Variants in SUCLG2 observed in about 807,000 individuals in gnomAD.
The protein encoded by SUCLG2 is succinate--CoA ligase [GDP-forming] subunit beta, mitochondrial.
Under a neutral mutation model 47.9 loss-of-function variants are expected in SUCLG2, and 42 were observed. The ratio of observed to expected loss-of-function variants is 0.88; its 90% CI spans 0.69 to 1.14. The LOEUF (loss-of-function observed/expected upper bound fraction) is 1.14, where lower values mean the gene tolerates loss of function less well. SUCLG2 is among the 50% of genes most tolerant of loss of function. SUCLG2 has a pLI of 0.00. For synonymous variants in SUCLG2, 195 were observed against 197.3 expected, an observed-to-expected ratio of 0.99 and a Z score of 0.10; for missense variants, 571 against 525.9, an observed-to-expected ratio of 1.09 and a Z score of -0.84.
Position 67,475,975 on chromosome 3 carries a change from C to A in SUCLG2, c.1062+19823G>T, listed in dbSNP as rs1704741051. Among the ~76,000 whole-genome samples, 3 of 150,454 alleles carry A rather than the reference C, an allele frequency of 2.0e-5. 1 individual carries two copies. The South Asian group carries it at 6.3e-4, about 32-fold the overall frequency. On this transcript the variant is annotated intron_variant, in intron 9 of 10. Coordinates refer to ENST00000307227, the MANE Select transcript of SUCLG2 (RefSeq NM_003848.4). The stretch of plus-strand genomic sequence containing the variant: ...AAACCACAGAATTTGAGTATTCCTT[C>A]CCTTTCCTTCTCCCTCTCTCTCTCT...
chr3:67,474,439 A>T (rs1704691990), intron 9 of SUCLG2, among the ~76,000 whole-genome samples: 1 of 152,160 alleles, frequency 6.6e-6, no homozygotes, highest in East Asian at 1.9e-4. Flanking sequence ...TTCTGTGGCT[A>T]TACCAAGTAG....
At chr3:67,406,057 C>G (rs1466625892) in intron 9 of SUCLG2, among the ~76,000 whole-genome samples, 1 of 152,166 alleles carries the variant, frequency 6.6e-6, no homozygotes, top group Non-Finnish European at 1.5e-5. Flanking sequence ...ATTACCACAA[C>G]CAACTCTGCC....
At chr3:67,423,151 T>C (rs542768517) in intron 9 of SUCLG2, among the ~76,000 whole-genome samples, 1 of 152,218 alleles carries the variant, frequency 6.6e-6, no homozygotes, top group Non-Finnish European at 1.5e-5. Context: ...TGTAATTGGA[T>C]CATGGGGGCG....
chr3:67,440,778 T>G (rs1204754916), intron 9 of SUCLG2, among the ~76,000 whole-genome samples: 1 of 152,222 alleles, frequency 6.6e-6, no homozygotes, highest in African/African-American at 2.4e-5. Context: ...ACACTGTTGG[T>G]AGGAGTGTAA....
chr3:67,415,269 G>C (rs1214291778), intron 9 of SUCLG2, among the ~76,000 whole-genome samples: 1 of 152,132 alleles, frequency 6.6e-6, no homozygotes, highest in Non-Finnish European at 1.5e-5. Context: ...AACCAAGCAA[G>C]TTTGGAGAAG....
intron 10 of SUCLG2, among the ~76,000 whole-genome samples, chr3:67,381,969 G>A (rs1702167983): frequency 6.6e-6 from 1 of 152,122 alleles, no homozygotes; most frequent in South Asian, 2.1e-4. Flanking sequence ...GTGGGCACAT[G>A]GTACAGGATT....
chr3:67,484,333 C>A (rs1293171126), intron 9 of SUCLG2, among the ~76,000 whole-genome samples: 1 of 152,146 alleles, frequency 6.6e-6, no homozygotes, highest in Non-Finnish European at 1.5e-5. Flanking sequence ...GAAACTGAAT[C>A]GTTTCAGAAG....
At chr3:67,437,169 G>A (rs1191083482) in intron 9 of SUCLG2, among the ~76,000 whole-genome samples, 1 of 152,070 alleles carries the variant, frequency 6.6e-6, no homozygotes, top group African/African-American at 2.4e-5. Context: ...GCAAGCAGCA[G>A]CCCCCAAGAC....
Position 67,592,762 on chromosome 3 carries a change from G to C in SUCLG2, c.226+16693C>G, listed in dbSNP as rs1708199580. Among the ~76,000 whole-genome samples, 3 of 128,254 alleles carry C rather than the reference G, an allele frequency of 2.3e-5. No homozygotes were observed. In the South Asian group the frequency reaches 7.5e-4, roughly 32 times the overall value. The allele number at this position is 128,254 out of a possible 152,430, so 84.1% of individuals were successfully genotyped here. On this transcript the variant is annotated intron_variant, in intron 2 of 10. Transcript: ENST00000307227. ...CAACAAAAAAAAACTGAATATCAAA[G>C]CCACAGCTCAAATCCAGACCTTCTA...
intron 9 of SUCLG2, among the ~76,000 whole-genome samples, chr3:67,488,542 G>A (rs1035915429): frequency 6.6e-6 from 1 of 152,156 alleles, no homozygotes; most frequent in African/African-American, 2.4e-5. Context: ...ATCTAATGAT[G>A]CCTTTACCAG....
At chr3:67,371,644 C>G (rs1336615184), downstream of SUCLG2, among the ~76,000 whole-genome samples, 2 of 152,200 alleles carry the variant, frequency 1.3e-5, no homozygotes, top group African/African-American at 4.8e-5. Context: ...CTTCTAAATC[C>G]TGCTTCCCAA....
Position 67,382,210 on chromosome 3 carries a change from C to T in SUCLG2, c.1184-6351G>A, listed in dbSNP as rs563428173. Among the ~76,000 whole-genome samples, 137 of 152,194 alleles carry T rather than the reference C, an allele frequency of 9.0e-4. 2 individuals carry two copies. The South Asian group carries it at 0.027, about 30-fold the overall frequency. ...TTTACAAGTATCATGAAACTTAATCCTCAGAGCAACCCTGCAGTCAACATC... is the reference window on the plus strand; with the variant it reads ...TTTACAAGTATCATGAAACTTAATCTTCAGAGCAACCCTGCAGTCAACATC... On this transcript the variant is annotated intron_variant, in intron 10 of 10. Transcript: ENST00000307227.
intron 1 of SUCLG2, among the ~76,000 whole-genome samples, chr3:67,651,596 C>T (rs1190390346): frequency 6.6e-6 from 1 of 152,016 alleles, no homozygotes; most frequent in African/African-American, 2.4e-5. Flanking sequence ...GACTGGTGAC[C>T]CTTTGTAGGG....
At chr3:67,376,505 C>G in intron 10 of SUCLG2, 2 of 982,744 alleles carry the variant, frequency 2.0e-6, no homozygotes, top group Non-Finnish European at 2.4e-6. Flanking sequence ...GTGAACAACT[C>G]CTGTAGGAGA....
chr3:67,495,599 C>T (rs970689718), intron 9 of SUCLG2, among the ~76,000 whole-genome samples, 199 bp downstream of exon 9: 1 of 150,910 alleles, frequency 6.6e-6, no homozygotes, highest in Non-Finnish European at 1.5e-5. Context: ...TTGCAGTGAG[C>T]CAAGATCGCG....
intron 6 of SUCLG2, among the ~76,000 whole-genome samples, chr3:67,510,309 A>C (rs896048922): frequency 6.6e-5 from 10 of 152,232 alleles, no homozygotes; most frequent in African/African-American, 2.4e-4. Context: ...AACACCTACA[A>C]ACATTTTTAA....
At chr3:67,397,712 G>T (rs996093153) in intron 10 of SUCLG2, among the ~76,000 whole-genome samples, 1 of 152,136 alleles carries the variant, frequency 6.6e-6, no homozygotes, top group Non-Finnish European at 1.5e-5. Flanking sequence ...GCATTGCCAA[G>T]TTAACCCTAA....
intron 9 of SUCLG2, among the ~76,000 whole-genome samples, chr3:67,457,959 C>A (rs1363650318): frequency 1.3e-5 from 2 of 152,082 alleles, no homozygotes; most frequent in African/African-American, 2.4e-5. Context: ...AGATGCTGAA[C>A]CAGTTTCAGG....
intron 2 of SUCLG2, among the ~76,000 whole-genome samples, chr3:67,568,600 A>T (rs994484367): frequency 6.6e-6 from 1 of 152,182 alleles, no homozygotes; most frequent in African/African-American, 2.4e-5. Flanking sequence ...TAAAAAATAA[A>T]GAGTGAGCCG....
Sources: allele counts gnomAD v4.1 joint callset (sites outside exome capture counted in the v4.1 genomes callset), GRCh38; gene constraint gnomAD v4.1.1; transcripts MANE v1.5; gene names NCBI Gene and HGNC (gene_info 2026-07-23, HGNC 2026-07-21).